The following CBR4 variants were observed in gnomAD, a reference collection of about 807,000 sequenced individuals.
The protein encoded by CBR4 is 3-oxoacyl-[acyl-carrier-protein] reductase.
CBR4 carries 22 observed loss-of-function variants against 21.0 expected under a neutral mutation model. The observed-to-expected ratio is 1.05, with a 90% CI of 0.75 to 1.50. CBR4 has a LOEUF of 1.50. Ranked by LOEUF, CBR4 falls within the 40% of genes most tolerant of loss-of-function variation. The pLI, the probability that CBR4 is intolerant of heterozygous loss-of-function variation, is 0.00. For synonymous variants in CBR4, 100 were observed against 104.4 expected (o/e 0.96, Z 0.26); for missense variants, 302 against 286.3 (o/e 1.05, Z -0.40).
intron 2 of CBR4, among the ~76,000 whole-genome samples, chr4:168,956,503 G>A (rs1763688635): frequency 6.7e-6 from 1 of 150,248 alleles, no homozygotes; most frequent in South Asian, 2.1e-4. Context: ...GAGGCTGAGG[G>A]GAGAAGATTG....
In CBR4 at chr4:168,990,343, T is replaced by C. The variant is rs1764852977; in HGVS notation, c.536-15A>G. 1 of 1,570,890 alleles carries C rather than the reference T, an allele frequency of 6.4e-7. No homozygotes were observed. Among genetic ancestry groups the C allele is most frequent in the Non-Finnish European group, 8.6e-7 (1 of 1,157,296 alleles). On this transcript the variant is annotated splice_polypyrimidine_tract_variant and intron_variant, in intron 4 of 4. Coordinates refer to ENST00000306193, the MANE Select transcript of CBR4 (RefSeq NM_032783.5). ...GTGTACAAATCCTAAAAGAGAAATG[T>C]TTGTTTAGTTGAAAAGGGTACACAC...
In CBR4 at chr4:169,007,746, C is replaced by T. The variant is rs1731040674; in HGVS notation, c.153G>A (p.Leu51=). 1.3e-6 allele frequency: 2 copies of T among 1,577,752 alleles called. No individual in the cohort carries two copies. Among genetic ancestry groups the T allele is most frequent in the Admixed American group, 3.7e-5 (2 of 53,366 alleles). The change falls in exon 2 of 5, where the codon TTG becomes TTA. Residue 51 remains leucine, a synonymous_variant. Coordinates refer to ENST00000306193, the MANE Select transcript of CBR4 (RefSeq NM_032783.5). The stretch of plus-strand genomic sequence containing the variant: ...CTTTAGCAACATCACAGCTAAATGC[C>T]AAATGATCTCCTACACAACAAAGTT... The part of the protein sequence containing the change: ...AAAGDLGGDH[L]AFSCDVAKEH...
chr4:168,981,949 C>T (rs1764559194), intron 2 of CBR4, among the ~76,000 whole-genome samples: 1 of 152,134 alleles, frequency 6.6e-6, no homozygotes. Context: ...TTACTGATCA[C>T]CACAAAAACA....
chr4:168,929,520 A>G lies in CBR4; in HGVS notation n.170-34755T>C, dbSNP rs910798544. Among the ~76,000 whole-genome samples, 8 of 152,312 alleles carry G rather than the reference A, an allele frequency of 5.3e-5. No individual in the cohort carries two copies. The East Asian group carries it at 1.2e-3, about 22-fold the overall frequency. ...GATTTTCCCTTTTATGAACATGCAT[A>G]ACATGACAATCCCCTTGGCTTGCTC... On this transcript the variant is annotated intron_variant and non_coding_transcript_variant, in intron 2 of 3. Coordinates refer to the CBR4 transcript ENST00000509108.
intron 2 of CBR4, among the ~76,000 whole-genome samples, chr4:168,945,581 G>A (rs1763376856): frequency 6.6e-6 from 1 of 152,034 alleles, no homozygotes; most frequent in African/African-American, 2.4e-5. Flanking sequence ...TCCCAAGGAT[G>A]CTGGATAATA....
Position 169,002,162 on chromosome 4 carries a change from G to A in CBR4, c.444C>T (p.Tyr148=), listed in dbSNP as rs751368734. The change falls in exon 4 of 5, where the codon TAC becomes TAT. Residue 148 remains tyrosine, a synonymous_variant. Coordinates refer to ENST00000306193, the MANE Select transcript of CBR4 (RefSeq NM_032783.5). ...GLKGNSGQSV[Y]SASKGGLVGF... ...CAACTAATCCTCCTTTACTGGCACT[G>A]TAAACGGACTGGCCAGAGTTGCCTT... is the stretch of plus-strand genomic sequence containing the variant. The A allele has an allele frequency of 6.6e-6, 10 of 1,505,178 alleles. No homozygotes were observed. Among genetic ancestry groups the A allele is most frequent in the Non-Finnish European group, 2.7e-6 (3 of 1,123,374 alleles). 93.2% of individuals were successfully genotyped at this position (1,505,178 alleles called of 1,614,324 possible).
chr4:168,966,831 A>G (rs1345318002), intron 2 of CBR4, among the ~76,000 whole-genome samples: 1 of 152,148 alleles, frequency 6.6e-6, no homozygotes, highest in Non-Finnish European at 1.5e-5. Context: ...ATCCTGGCTA[A>G]CACGATGAAA....
intron 2 of CBR4, among the ~76,000 whole-genome samples, chr4:168,968,896 G>A (rs143466673): frequency 6.6e-6 from 1 of 152,344 alleles, no homozygotes; most frequent in East Asian, 1.9e-4. Flanking sequence ...GAACCAGTGT[G>A]ATGGTTCTGC....
intron 2 of CBR4, among the ~76,000 whole-genome samples, chr4:168,918,390 TG>T (rs1760707184): frequency 6.6e-6 from 1 of 151,788 alleles, no homozygotes; most frequent in African/African-American, 2.4e-5. Context: ...TGTGACAACA[TG>T]GATGAACCTG....
intron 2 of CBR4, among the ~76,000 whole-genome samples, chr4:168,966,356 C>CAAAAAAAA (rs1215042926): frequency 4.7e-3 from 351 of 75,140 alleles, no homozygotes; most frequent in Non-Finnish European, 5.9e-3. Flanking sequence ...ACTAAAAATA[C>CAAAAAAAA]AAAAAAAAAA....
chr4:168,969,831 C>G (rs912085194), intron 2 of CBR4, among the ~76,000 whole-genome samples: 1 of 152,086 alleles, frequency 6.6e-6, no homozygotes, highest in Non-Finnish European at 1.5e-5. Context: ...CATCTCAGGC[C>G]CCACTCCAAA....
At chr4:168,937,209 C>CT (rs1379886743) in intron 2 of CBR4, among the ~76,000 whole-genome samples, 1 of 152,122 alleles carries the variant, frequency 6.6e-6, no homozygotes, top group Non-Finnish European at 1.5e-5. Context: ...TCCAACCAAA[C>CT]TAAGCTTCAT....
chr4:168,896,118 G>C (rs533481879), intron 2 of CBR4, among the ~76,000 whole-genome samples: 1 of 151,534 alleles, frequency 6.6e-6, no homozygotes, highest in East Asian at 2.0e-4. Flanking sequence ...GCTGAGACAT[G>C]AGAATCGCTT....
At position 168,988,308 on chromosome 4, in the gene CBR4, T is replaced by C; in HGVS notation, c.*1842A>G. On this transcript the variant is annotated 3_prime_UTR_variant, in exon 5 of 5. Transcript: ENST00000306193. ...GGAATAGCTTAAAAGGTTATATTTC[T>C]TATTTTAAAGTATAAAAACATACAC... 1 of 984,956 alleles carries C rather than the reference T, an allele frequency of 1.0e-6. No individual in the cohort carries two copies. Among genetic ancestry groups the C allele is most frequent in the Non-Finnish European group, 1.2e-6 (1 of 829,478 alleles). The allele number at this position is 984,956 out of a possible 1,614,324, so 61.0% of individuals were successfully genotyped here.
chr4:168,915,845 A>G (rs752538844), intron 2 of CBR4: 167 of 1,469,794 alleles, frequency 1.1e-4, no homozygotes, highest in Non-Finnish European at 1.5e-4. Context: ...AAAGTCTGGA[A>G]GTAACTACTA....
At chr4:168,958,320 A>C (rs1367501568) in intron 2 of CBR4, among the ~76,000 whole-genome samples, 1 of 152,158 alleles carries the variant, frequency 6.6e-6, no homozygotes, top group Non-Finnish European at 1.5e-5. Context: ...GCATGAGAAC[A>C]GACGAATACA....
intron 2 of CBR4, among the ~76,000 whole-genome samples, chr4:168,948,266 T>C (rs1234749187): frequency 6.6e-6 from 1 of 152,224 alleles, no homozygotes; most frequent in Admixed American, 6.5e-5. Context: ...ATTCTGGATA[T>C]TAGTCCTTTG....
chr4:168,901,071 GTTT>G (rs1756412870), intron 2 of CBR4, among the ~76,000 whole-genome samples: 1 of 152,190 alleles, frequency 6.6e-6, no homozygotes, highest in Admixed American at 6.5e-5. Flanking sequence ...GGACTTAATT[GTTT>G]AAACTTTTCA....
intron 2 of CBR4, chr4:168,916,146 C>A: frequency 1.0e-6 from 1 of 989,642 alleles, no homozygotes; most frequent in Non-Finnish European, 1.6e-6. Flanking sequence ...GGCACAGTGG[C>A]TCACACCTAT....
Sources: allele counts gnomAD v4.1 joint callset (sites outside exome capture counted in the v4.1 genomes callset), GRCh38; gene constraint gnomAD v4.1.1; transcripts MANE v1.5; gene names NCBI Gene and HGNC (gene_info 2026-07-23, HGNC 2026-07-21).